ZNF275: variants seen among roughly 807,000 people sequenced by gnomAD.
ZNF275 encodes the protein zinc finger protein 275.
In ZNF275, 4 loss-of-function variants were observed where a neutral mutation model predicts 4.3. The ratio of observed to expected loss-of-function variants is 0.93; its 90% CI spans 0.46 to 2.13. ZNF275 has a LOEUF of 2.13. Ranked by LOEUF, ZNF275 falls within the 30% of genes most tolerant of loss-of-function variation. ZNF275 has a pLI of 0.02. For missense variants in ZNF275, 352 were observed against 397.1 expected (o/e 0.89, Z 0.97); for synonymous variants, 173 against 166.9 (o/e 1.04, Z -0.28).
chrX:153,336,261 C>T (rs1252455545), intron 1 of ZNF275, among the ~76,000 whole-genome samples: 1 of 112,888 alleles, frequency 8.9e-6, no homozygotes, highest in Admixed American at 9.3e-5. Flanking sequence ...CACACACAGA[C>T]ACAAATACCC....
At chrX:153,346,755 A>C in intron 3 of ZNF275, 64 bp from the exon 4 acceptor site, 2 of 1,072,238 alleles carry the variant, frequency 1.9e-6, no homozygotes, top group Admixed American at 6.3e-5. Context: ...GATTCTTGAC[A>C]AAGGAGAGGC....
In ZNF275 at chrX:153,352,774, G is replaced by A. The variant is rs923044482; in HGVS notation, c.*4799G>A. The A allele has an allele frequency of 4.5e-5, 5 of 111,047 alleles. No individual in the cohort carries two copies. Among genetic ancestry groups the A allele is most frequent in the African/African-American group, 1.6e-4 (5 of 30,440 alleles). 9.2% of individuals were successfully genotyped at this position (111,047 alleles called of 1,213,427 possible). On this transcript the variant is annotated 3_prime_UTR_variant, in exon 4 of 4. Transcript: ENST00000650114. ...CAGCCTTGCACTAGAGCTGTTTGTG[G>A]ACTTGGCTTCACCCCCTCCTCCTCA...
In ZNF275 at chrX:153,338,093, C is replaced by T. The variant is rs781784771; in HGVS notation, c.31+1383C>T. 8.1e-5 allele frequency among the ~76,000 whole-genome samples: 9 copies of T among 111,746 alleles called. No homozygotes were observed. The South Asian group carries it at 3.4e-3, about 43-fold the overall frequency. On this transcript the variant is annotated intron_variant, in intron 2 of 3. Transcript: ENST00000650114. Reference sequence around the variant, plus strand: ...AGGCAGTGGACACCTGCGTTTGTCACTTTTGTCACAGCATCCAGCTTCTTT... The same window carrying T: ...AGGCAGTGGACACCTGCGTTTGTCATTTTTGTCACAGCATCCAGCTTCTTT...
At chrX:153,336,819 C>T (rs1198132818) in intron 2 of ZNF275, 109 bp downstream of exon 2, 5 of 808,153 alleles carry the variant, frequency 6.2e-6, no homozygotes, top group Non-Finnish European at 9.0e-6. Flanking sequence ...GTTTTGGTTC[C>T]GGAAGCACTT....
chrX:153,350,183 A>G lies in ZNF275; in HGVS notation c.*2208A>G, dbSNP rs2088547545. On this transcript the variant is annotated 3_prime_UTR_variant, in exon 4 of 4. Coordinates refer to ENST00000650114, the MANE Select transcript of ZNF275 (RefSeq NM_001367757.1). ...TTCTGCTGTGGGCAGCTAGGGGAAA[A>G]TTCACCCATGTGTTCTGGCATCACT... is the stretch of plus-strand genomic sequence containing the variant. 8.1e-6 allele frequency: 1 copy of G among 124,102 alleles called. No individual in the cohort carries two copies. The highest frequency in any genetic ancestry group is 3.2e-5 in the African/African-American group (1 of 31,067). 10.2% of individuals were successfully genotyped at this position (124,102 alleles called of 1,213,427 possible). A position where few individuals can be genotyped will look rare whatever the true frequency, so the allele number is the denominator to read the frequency against.
chrX:153,345,684 G>A, intron 3 of ZNF275, 63 bp downstream of exon 3: 1 of 972,546 alleles, frequency 1.0e-6, no homozygotes, highest in Non-Finnish European at 1.4e-6. Flanking sequence ...TGGGGCATGG[G>A]TTAGGGTTGG....
Position 153,347,470 on chromosome X carries a change from A to G in ZNF275, c.785A>G (p.His262Arg). The change falls in exon 4 of 4, where the codon CAC (histidine) becomes CGC (arginine). Residue 262 changes from histidine (H) to arginine (R), a missense_variant. Transcript: ENST00000650114. ...AAGCACCAGCGCATGCACACTGGCC[A>G]CCTGCCCTTCGACTGCGACGACTGC... The part of the protein sequence containing the change: ...LLKHQRMHTG[H>R]LPFDCDDCGK... The G allele has an allele frequency of 3.3e-6, 4 of 1,207,014 alleles. No individual in the cohort carries two copies. Among genetic ancestry groups the G allele is most frequent in the Non-Finnish European group, 4.5e-6 (4 of 892,896 alleles).
chrX:153,344,863 C>A (rs2088502616), intron 2 of ZNF275: 1 of 338,037 alleles, frequency 3.0e-6, no homozygotes, highest in South Asian at 2.7e-5. Context: ...CAGAAGCTCA[C>A]CTTCTCCCTG....
rs1360087685 is a variant in ZNF275, at chrX:153,352,150, T to C, written c.*4175T>C. 8.9e-6 allele frequency: 1 copy of C among 111,921 alleles called. No homozygotes were observed. The highest frequency in any genetic ancestry group is 1.9e-5 in the Non-Finnish European group (1 of 53,236). 9.2% of individuals were successfully genotyped at this position (111,921 alleles called of 1,213,427 possible). ...AGGAAGGCCTGGCCATGGTATGTTCTTGGATTTCTGGCAGCAGCCCTCATT... is the reference window on the plus strand; with the variant it reads ...AGGAAGGCCTGGCCATGGTATGTTCCTGGATTTCTGGCAGCAGCCCTCATT... On this transcript the variant is annotated 3_prime_UTR_variant, in exon 4 of 4. Coordinates refer to ENST00000650114, the MANE Select transcript of ZNF275 (RefSeq NM_001367757.1).
intron 2 of ZNF275, among the ~76,000 whole-genome samples, chrX:153,339,177 G>A (rs1489432584): frequency 2.7e-5 from 3 of 111,718 alleles, no homozygotes; most frequent in African/African-American, 9.8e-5. Context: ...CTCAGGGCCA[G>A]GAGCTGCTGC....
Position 153,336,655 on chromosome X carries a change from T to C in ZNF275, c.-25T>C. The C allele has an allele frequency of 8.6e-7, 1 of 1,167,101 alleles. No individual in the cohort carries two copies. Among genetic ancestry groups the C allele is most frequent in the Non-Finnish European group, 1.1e-6 (1 of 872,309 alleles). ...ACAGATGGGGCCTTACCTGCCAGGCTGATCCCTTGGAGTAGTTCTGAGGCA... is the reference window on the plus strand; with the variant it reads ...ACAGATGGGGCCTTACCTGCCAGGCCGATCCCTTGGAGTAGTTCTGAGGCA... On this transcript the variant is annotated 5_prime_UTR_variant, in exon 2 of 4. The change abolishes the stop of an existing upstream ORF in the 5' untranslated region. Transcript: ENST00000650114.
At chrX:153,337,667 T>C (rs1218648512) in intron 2 of ZNF275, among the ~76,000 whole-genome samples, 1 of 112,268 alleles carries the variant, frequency 8.9e-6, no homozygotes, top group Non-Finnish European at 1.9e-5. Context: ...ACATCACTAT[T>C]TTCCATTTAT....
chrX:153,346,494 C>T (rs1382058141), intron 3 of ZNF275, among the ~76,000 whole-genome samples: 3 of 108,650 alleles, frequency 2.8e-5, no homozygotes, highest in Non-Finnish European at 3.8e-5. Flanking sequence ...CAGCAGGGCC[C>T]TTTGGAGATT....
chrX:153,348,231 A>C lies in ZNF275; in HGVS notation c.*256A>C. 1.6e-5 allele frequency: 3 copies of C among 182,886 alleles called. No individual in the cohort carries two copies. The highest frequency in any genetic ancestry group is 2.2e-5 in the Non-Finnish European group (2 of 92,758). The allele number at this position is 182,886 out of a possible 1,213,427, so 15.1% of individuals were successfully genotyped here. On this transcript the variant is annotated 3_prime_UTR_variant, in exon 4 of 4. Coordinates refer to ENST00000650114, the MANE Select transcript of ZNF275 (RefSeq NM_001367757.1). ...CAGTCCACATGCCTTGAATCCAAGA[A>C]TGAGAGAGGACAAATCTGGATGTGG...
Position 153,347,817 on chromosome X carries a change from G to A in ZNF275, c.1132G>A (p.Glu378Lys). The change falls in exon 4 of 4, where the codon GAG becomes AAG. Residue 378 changes from glutamate to lysine, a missense_variant. Coordinates refer to ENST00000650114, the MANE Select transcript of ZNF275 (RefSeq NM_001367757.1). ...CATCCACAGCGGACTGAAACCCTAT[G>A]AGTGCGACAAATGCGGCAAGGCCTT... ...RRIHSGLKPY[E>K]CDKCGKAFRR... 3.3e-6 allele frequency: 4 copies of A among 1,210,561 alleles called. No homozygotes were observed. Among genetic ancestry groups the A allele is most frequent in the Non-Finnish European group, 4.5e-6 (4 of 894,599 alleles).
intron 2 of ZNF275, among the ~76,000 whole-genome samples, chrX:153,336,920 T>C (rs781925304): frequency 9.0e-6 from 1 of 111,576 alleles, no homozygotes. Context: ...AGAAAAGATA[T>C]TCAGGAAAGA....
chrX:153,344,444 T>C (rs782508961), intron 2 of ZNF275: 2 of 271,873 alleles, frequency 7.4e-6, no homozygotes, highest in South Asian at 3.5e-5. Context: ...AGGAAAGTGA[T>C]TGAATGGAGG....
rs1181145192 is a variant in ZNF275, at chrX:153,350,545, G to C, written c.*2570G>C. On this transcript the variant is annotated 3_prime_UTR_variant, in exon 4 of 4. Transcript: ENST00000650114. ...ACAGATAGAAGCCAGCCCCACCAGG[G>C]CTGTGCTGTGACTTCCCAGCAGCTG... 26 of 124,050 alleles carry C rather than the reference G, an allele frequency of 2.1e-4. 1 individual carries two copies. The highest frequency in any genetic ancestry group is 1.2e-3 in the Admixed American group (13 of 10,776). 10.2% of individuals were successfully genotyped at this position (124,050 alleles called of 1,213,427 possible).
Position 153,347,384 on chromosome X carries a change from G to T in ZNF275, c.699G>T (p.Ser233=). 1.6e-6 allele frequency: 2 copies of T among 1,212,207 alleles called. No individual in the cohort carries two copies. Among genetic ancestry groups the T allele is most frequent in the Non-Finnish European group, 2.2e-6 (2 of 895,542 alleles). The change falls in exon 4 of 4, where the codon TCG becomes TCT. Residue 233 remains serine, a synonymous_variant. Coordinates refer to ENST00000650114, the MANE Select transcript of ZNF275 (RefSeq NM_001367757.1). ...HLFRHQKLHT[S]EKPFACKACS... The stretch of plus-strand genomic sequence containing the variant: ...TCCGACATCAGAAACTTCACACTTC[G>T]GAAAAGCCTTTCGCCTGCAAGGCGT...
Sources: allele counts gnomAD v4.1 joint callset (sites outside exome capture counted in the v4.1 genomes callset), GRCh38; gene constraint gnomAD v4.1.1; transcripts MANE v1.5; gene names NCBI Gene and HGNC (gene_info 2026-07-23, HGNC 2026-07-21).